TTC13: variants seen among roughly 807,000 people sequenced by gnomAD.
TTC13 encodes tetratricopeptide repeat protein 13.
In TTC13, 62 loss-of-function variants were observed where a neutral mutation model predicts 120.0. That is an observed-to-expected ratio of 0.52 (90% CI 0.42 to 0.64). TTC13 has a LOEUF of 0.64. Among genes scored for constraint, TTC13 ranks in the 30% least tolerant of loss-of-function variants. TTC13 has a pLI of 0.00. For synonymous variants in TTC13, 384 were observed against 393.5 expected (o/e 0.98, Z 0.28); for missense variants, 824 against 1,050.2 (o/e 0.78, Z 2.98).
chr1:230,948,400 C>CAAAAAAAAAAAAA (rs57051929), intron 4 of TTC13, among the ~76,000 whole-genome samples: 5 of 96,570 alleles, frequency 5.2e-5, no homozygotes, highest in Non-Finnish European at 1.0e-4. Context: ...ACTCACAATA[C>CAAAAAAAAAAAAA]AAAAAAAAAA....
intron 13 of TTC13, among the ~76,000 whole-genome samples, chr1:230,925,287 G>A (rs1457310571): frequency 6.6e-6 from 1 of 152,126 alleles, no homozygotes; most frequent in African/African-American, 2.4e-5. Context: ...TTTGAGTAAG[G>A]ACTTAAGACC....
rs549664583 is a variant in TTC13 at position 230,906,978 on chromosome 1, G to A, written c.2510C>T (p.Thr837Met). Reference sequence around the variant, plus strand: ...AATCATCGATCTTAACGTTGGAAACGTTTCTGATACTGATGGAAGAGTCTT... The same window carrying A: ...AATCATCGATCTTAACGTTGGAAACATTTCTGATACTGATGGAAGAGTCTT... ...SYKTLPSVSE[T>M]FPTLRSMIEV... Residue 837 changes from threonine (T) to methionine (M), a missense_variant, in exon 23 of 23, where the codon ACG (threonine) becomes ATG (methionine). Thr to Met is a moderately conservative substitution (Grantham distance 81). This residue lies in a region of TTC13 where 226 missense variants were observed against 259.1 expected (regional missense o/e 0.87). Transcript: ENST00000366661. The A allele has an allele frequency of 5.2e-5, 80 of 1,541,506 alleles. No individual in the cohort carries two copies. In the South Asian group the frequency reaches 8.4e-4, roughly 16 times the overall value.
intron 19 of TTC13, 69 bp downstream of exon 19, chr1:230,912,554 G>A: frequency 6.5e-7 from 1 of 1,528,916 alleles, no homozygotes; most frequent in Admixed American, 1.9e-5. Flanking sequence ...CAGTGAAAGG[G>A]CAGAGGTTCA....
At chr1:230,963,501 T>C (rs1229808129) in intron 1 of TTC13, among the ~76,000 whole-genome samples, 1 of 151,844 alleles carries the variant, frequency 6.6e-6, no homozygotes, top group Non-Finnish European at 1.5e-5. Flanking sequence ...CTGGGTGTGG[T>C]AGTACATGCC....
chr1:230,957,712 G>A (rs1403375246), intron 3 of TTC13, among the ~76,000 whole-genome samples: 1 of 152,146 alleles, frequency 6.6e-6, no homozygotes, highest in Admixed American at 6.5e-5. Context: ...AAACCAGCCT[G>A]TTTTAAAACA....
At position 230,959,747 on chromosome 1, in the gene TTC13, T is replaced by G. The variant is rs1051254404; in HGVS notation, c.367-1448A>C. On this transcript the variant is annotated intron_variant, in intron 2 of 22. Transcript: ENST00000366661. ...TTTCTAATACTGCATCTATAGTATC[T>G]CCTCTGGACAGAGTTGAGAAGCTAT... 2.6e-5 allele frequency among the ~76,000 whole-genome samples: 4 copies of G among 152,222 alleles called. No individual in the cohort carries two copies. The South Asian group carries it at 8.3e-4, about 31-fold the overall frequency.
chr1:230,965,260 G>A (rs1236002582), intron 1 of TTC13, among the ~76,000 whole-genome samples: 1 of 152,042 alleles, frequency 6.6e-6, no homozygotes, highest in Non-Finnish European at 1.5e-5. Context: ...AATATATAAG[G>A]AGCACAAACA....
chr1:230,960,132 A>G lies in TTC13; in HGVS notation c.366+1077T>C, dbSNP rs553952565. On this transcript the variant is annotated intron_variant, in intron 2 of 22. Coordinates refer to ENST00000366661, the MANE Select transcript of TTC13 (RefSeq NM_024525.5). Reference sequence around the variant, plus strand: ...ATAATCACCTAGTGCAATGCCTGGCATGTAATAGGTGCCAAATAAATATCT... The same window carrying G: ...ATAATCACCTAGTGCAATGCCTGGCGTGTAATAGGTGCCAAATAAATATCT... 4.6e-5 allele frequency among the ~76,000 whole-genome samples: 7 copies of G among 152,336 alleles called. No homozygotes were observed. In the South Asian group the frequency reaches 1.5e-3, roughly 32 times the overall value.
At position 230,924,872 on chromosome 1, in the gene TTC13, C is replaced by T; in HGVS notation, c.1690G>A (p.Asp564Asn). The T allele has an allele frequency of 3.1e-6, 5 of 1,614,230 alleles. No homozygotes were observed. The highest frequency in any genetic ancestry group is 4.2e-6 in the Non-Finnish European group (5 of 1,180,046). ...NGKTRLMQWR[D>N]MFDIAVKWRR... ...CATTTAACTGCAATGTCAAACATGT[C>T]TCTCCACTGCATCAACCGTGTCTTC... The change falls in exon 14 of 23, where the codon GAC (aspartate) becomes AAC (asparagine). Residue 564 changes from aspartate to asparagine, a missense_variant. By Grantham distance (23) the Asp-to-Asn change is conservative. Transcript: ENST00000366661.
intron 13 of TTC13, 78 bp from the exon 14 acceptor site, chr1:230,925,051 A>G (rs1672938297): frequency 6.5e-7 from 1 of 1,540,730 alleles, no homozygotes; most frequent in Admixed American, 1.7e-5. Context: ...AGTCTCAGTG[A>G]TAACTCAAGA....
At chr1:230,925,390 T>C (rs1672963724) in intron 13 of TTC13, 127 bp downstream of exon 13, 3 of 1,118,456 alleles carry the variant, frequency 2.7e-6, no homozygotes, top group Non-Finnish European at 3.8e-6. Flanking sequence ...TACACATTTC[T>C]ATTCTGATCA....
chr1:230,975,100 C>T (rs1333911621), intron 1 of TTC13, among the ~76,000 whole-genome samples: 2 of 151,984 alleles, frequency 1.3e-5, no homozygotes, highest in East Asian at 3.9e-4. Flanking sequence ...ATTGGCCAGG[C>T]ACGGTGTCTC....
chr1:230,964,368 TATA>T (rs757958647), intron 1 of TTC13, among the ~76,000 whole-genome samples: 33 of 152,328 alleles, frequency 2.2e-4, no homozygotes, highest in Admixed American at 3.9e-4. Context: ...CTTCCTAGCA[TATA>T]ATAACAATTT....
intron 3 of TTC13, among the ~76,000 whole-genome samples, chr1:230,955,821 A>G (rs1167268436): frequency 6.6e-6 from 1 of 152,258 alleles, no homozygotes; most frequent in Admixed American, 6.5e-5. Flanking sequence ...CAAAATAAAA[A>G]GAGAGCCCTT....
At chr1:230,937,304 T>A (rs1211705156) in intron 8 of TTC13, among the ~76,000 whole-genome samples, 2 of 152,176 alleles carry the variant, frequency 1.3e-5, no homozygotes, top group African/African-American at 4.8e-5. Context: ...ACCGTTTGCA[T>A]TTGTTTACTT....
At chr1:230,936,317 G>A (rs1674053527) in intron 8 of TTC13, 1 of 447,396 alleles carries the variant, frequency 2.2e-6, no homozygotes, top group African/African-American at 2.0e-5. Flanking sequence ...TGGGAACAAA[G>A]AAACTACGTT....
intron 14 of TTC13, among the ~76,000 whole-genome samples, chr1:230,924,298 G>A (rs1672850130): frequency 6.6e-6 from 1 of 152,192 alleles, no homozygotes; most frequent in Non-Finnish European, 1.5e-5. Context: ...AATGCTTCAT[G>A]TAAATAGGTG....
intron 8 of TTC13, among the ~76,000 whole-genome samples, chr1:230,934,724 A>G (rs983658496): frequency 6.6e-6 from 1 of 152,244 alleles, no homozygotes; most frequent in Non-Finnish European, 1.5e-5. Flanking sequence ...GAAAAGACAT[A>G]TCTTACTAAA....
chr1:230,954,277 C>T, intron 4 of TTC13, 56 bp downstream of exon 4: 1 of 1,225,958 alleles, frequency 8.2e-7, no homozygotes, highest in Middle Eastern at 1.9e-4. Flanking sequence ...GTTCATTAGT[C>T]CATATTTTTG....
Sources: gnomAD v4.1 joint callset for allele counts (sites outside exome capture counted in the v4.1 genomes callset) on GRCh38, gnomAD v4.1.1 for gene constraint, gnomAD v4.1.1 regional missense constraint, MANE v1.5 for transcripts, NCBI Gene and HGNC (gene_info 2026-07-23, HGNC 2026-07-21) for gene names.